The following BBS9 variants were observed in gnomAD, a reference collection of about 807,000 sequenced individuals.
BBS9 encodes Bardet-Biedl syndrome 9, also known as protein PTHB1.
Under a neutral mutation model 117.7 loss-of-function variants are expected in BBS9, and 89 were observed. The observed-to-expected ratio is 0.76, with a 90% confidence interval of 0.64 to 0.90. BBS9 has a LOEUF of 0.90. Among genes scored for constraint, BBS9 ranks in the 40% least tolerant of loss-of-function variants. The pLI, the probability that BBS9 is intolerant of heterozygous loss-of-function variation, is 0.00. For synonymous variants in BBS9, 379 were observed against 370.9 expected, an observed-to-expected ratio of 1.02 and a Z score of -0.25; for missense variants, 982 against 1,042.2, an observed-to-expected ratio of 0.94 and a Z score of 0.80.
chr7:33,362,384 G>A (rs1009133227), intron 16 of BBS9, among the ~76,000 whole-genome samples: 4 of 151,790 alleles, frequency 2.6e-5, no homozygotes, highest in African/African-American at 7.3e-5. Context: ...TTTGATAGAA[G>A]TTTTCTAGTT....
At chr7:33,215,226 C>G (rs1788828174) in intron 5 of BBS9, among the ~76,000 whole-genome samples, 1 of 152,172 alleles carries the variant, frequency 6.6e-6, no homozygotes, top group Non-Finnish European at 1.5e-5. Context: ...AGGCATCGCA[C>G]TACTTGACTT....
intron 21 of BBS9, among the ~76,000 whole-genome samples, chr7:33,624,839 T>G (rs1038509533): frequency 2.8e-4 from 43 of 152,150 alleles, no homozygotes; most frequent in African/African-American, 1.0e-3. Flanking sequence ...GTCATCCTGA[T>G]TATAGAGGAA....
At chr7:33,631,183 C>T (rs899887916) in intron 21 of BBS9, among the ~76,000 whole-genome samples, 2 of 152,242 alleles carry the variant, frequency 1.3e-5, no homozygotes, top group African/African-American at 4.8e-5. Context: ...GCGAAAAGGC[C>T]GTGTGTCTGG....
At chr7:33,620,329 T>G (rs1865341799) in intron 21 of BBS9, among the ~76,000 whole-genome samples, 1 of 151,976 alleles carries the variant, frequency 6.6e-6, no homozygotes, top group Non-Finnish European at 1.5e-5. Flanking sequence ...TAGTAAATCC[T>G]TAGGACTCCT....
At chr7:33,620,766 A>G (rs1195004487) in intron 21 of BBS9, among the ~76,000 whole-genome samples, 1 of 152,132 alleles carries the variant, frequency 6.6e-6, no homozygotes, top group Non-Finnish European at 1.5e-5. Flanking sequence ...ACCACAAAAG[A>G]CTCTAAATAG....
chr7:33,196,513 C>T (rs1784970792), intron 5 of BBS9, among the ~76,000 whole-genome samples: 1 of 152,152 alleles, frequency 6.6e-6, no homozygotes, highest in Admixed American at 6.5e-5. Flanking sequence ...ACGCTGTTTT[C>T]CTCACAGGGA....
chr7:33,152,039 C>G (rs974618713), intron 2 of BBS9, among the ~76,000 whole-genome samples: 3 of 152,044 alleles, frequency 2.0e-5, no homozygotes, highest in Non-Finnish European at 4.4e-5. Flanking sequence ...GCCATTCCCT[C>G]CATGTCTCTG....
At chr7:33,405,039 G>T (rs1829664109) in intron 19 of BBS9, among the ~76,000 whole-genome samples, 1 of 152,170 alleles carries the variant, frequency 6.6e-6, no homozygotes, top group South Asian at 2.1e-4. Context: ...AACTTATTGA[G>T]AGTTTTTAGC....
intron 5 of BBS9, among the ~76,000 whole-genome samples, chr7:33,225,916 A>AT (rs1791175742): frequency 6.6e-6 from 1 of 152,060 alleles, no homozygotes; most frequent in Non-Finnish European, 1.5e-5. Flanking sequence ...ATCCTCATTG[A>AT]TTTTACATAC....
At chr7:33,212,174 T>C (rs1029515683) in intron 5 of BBS9, among the ~76,000 whole-genome samples, 2 of 152,208 alleles carry the variant, frequency 1.3e-5, no homozygotes, top group African/African-American at 4.8e-5. Flanking sequence ...ACCACCCCTC[T>C]CTACCTCCTC....
chr7:33,264,956 T>C (rs1403352988), intron 7 of BBS9, among the ~76,000 whole-genome samples: 1 of 152,194 alleles, frequency 6.6e-6, no homozygotes, highest in Non-Finnish European at 1.5e-5. Flanking sequence ...CTCACAAAGA[T>C]AGAATTAGCT....
intron 19 of BBS9, among the ~76,000 whole-genome samples, chr7:33,426,152 T>A (rs1833631396): frequency 6.6e-6 from 1 of 152,174 alleles, no homozygotes; most frequent in Admixed American, 6.6e-5. Context: ...GACCCGATGT[T>A]ACTACAGCCA....
intron 21 of BBS9, among the ~76,000 whole-genome samples, chr7:33,580,749 A>G (rs1859738463): frequency 6.6e-6 from 1 of 152,182 alleles, no homozygotes; most frequent in African/African-American, 2.4e-5. Flanking sequence ...AATACAATAG[A>G]AATCATTCTA....
chr7:33,434,649 T>C (rs1835035418), intron 19 of BBS9, among the ~76,000 whole-genome samples: 1 of 152,196 alleles, frequency 6.6e-6, no homozygotes, highest in Admixed American at 6.5e-5. Flanking sequence ...TGAGATCTCA[T>C]TGTGTTTCAC....
chr7:33,370,741 C>T (rs976761634), intron 17 of BBS9, among the ~76,000 whole-genome samples: 3 of 152,122 alleles, frequency 2.0e-5, no homozygotes, highest in Non-Finnish European at 4.4e-5. Context: ...TGACTTATTA[C>T]CATATACAAC....
intron 4 of BBS9, among the ~76,000 whole-genome samples, chr7:33,166,248 C>T (rs1795662536): frequency 6.6e-6 from 1 of 152,148 alleles, no homozygotes. Flanking sequence ...AGAAGGGCAC[C>T]CTCCTGTATG....
intron 9 of BBS9, among the ~76,000 whole-genome samples, chr7:33,295,674 A>C (rs1160550326): frequency 6.6e-6 from 1 of 152,080 alleles, no homozygotes; most frequent in African/African-American, 2.4e-5. Flanking sequence ...TGAGAACTTA[A>C]GATACGGTTA....
chr7:33,631,721 T>C (rs960568949), intron 21 of BBS9, among the ~76,000 whole-genome samples: 1 of 152,100 alleles, frequency 6.6e-6, no homozygotes, highest in Non-Finnish European at 1.5e-5. Flanking sequence ...CTCGATGCAA[T>C]TTCAGATGGT....
chr7:33,557,630 C>CTCTT (rs1321614950), intron 21 of BBS9, among the ~76,000 whole-genome samples: 4 of 152,240 alleles, frequency 2.6e-5, no homozygotes, highest in Non-Finnish European at 5.9e-5. Flanking sequence ...ATAGTGGGTT[C>CTCTT]TCTTTCTCTA....
Sources: allele counts gnomAD v4.1 joint callset (sites outside exome capture counted in the v4.1 genomes callset), GRCh38; gene constraint gnomAD v4.1.1; transcripts MANE v1.5; gene names NCBI Gene and HGNC (gene_info 2026-07-23, HGNC 2026-07-21).